NECAB2: variants seen among roughly 807,000 people sequenced by gnomAD.
NECAB2 encodes N-terminal EF-hand calcium-binding protein 2.
In NECAB2, 68 loss-of-function variants were observed where a neutral mutation model predicts 51.9. That is an observed-to-expected ratio of 1.31 (90% CI 1.08 to 1.60). The LOEUF (loss-of-function observed/expected upper bound fraction) is 1.60, where lower values mean the gene tolerates loss of function less well. Ranked by LOEUF, NECAB2 falls within the 40% of genes most tolerant of loss-of-function variation. NECAB2 has a pLI of 0.00. For missense variants in NECAB2, 854 were observed against 490.3 expected (o/e 1.74, Z -7.00); for synonymous variants, 329 against 203.5 (o/e 1.62, Z -5.25).
chr16:83,965,369 C>T (rs776196238), upstream of NECAB2: 2 of 1,570,944 alleles, frequency 1.3e-6, no homozygotes, highest in South Asian at 2.4e-5. Flanking sequence ...GCCCTTCATC[C>T]ACCATGAGCT....
At chr16:83,965,665 C>T (rs368402391), upstream of NECAB2, 350 of 1,613,402 alleles carry the variant, frequency 2.2e-4, no homozygotes, top group Non-Finnish European at 2.8e-4. Flanking sequence ...TCCCCAGGCA[C>T]CAGCTGCTGT....
chr16:83,992,124 GGGA>G (rs1448558790), intron 6 of NECAB2, among the ~76,000 whole-genome samples: 4 of 111,488 alleles, frequency 3.6e-5, no homozygotes, highest in Admixed American at 3.4e-4. Context: ...AGAGACTGGG[GGGA>G]AATCAGAGAG....
intron 1 of NECAB2, chr16:83,971,538 C>A (rs2151084033): frequency 6.5e-6 from 1 of 152,974 alleles, no homozygotes; most frequent in Middle Eastern, 3.4e-3. Flanking sequence ...TTCAGGCCAG[C>A]CTTGGAGCTG....
At chr16:83,984,787 T>G (rs2084531791) in intron 5 of NECAB2, among the ~76,000 whole-genome samples, 1 of 152,202 alleles carries the variant, frequency 6.6e-6, no homozygotes, top group South Asian at 2.1e-4. Flanking sequence ...TCTCCCATTT[T>G]TCTACATTTT....
chr16:83,983,105 G>A (rs191924139), intron 5 of NECAB2, among the ~76,000 whole-genome samples: 3 of 152,260 alleles, frequency 2.0e-5, no homozygotes, highest in Non-Finnish European at 4.4e-5. Context: ...CTGACTTGAG[G>A]TGATCCGCCC....
chr16:83,993,895 G>T (rs908476012), intron 6 of NECAB2, among the ~76,000 whole-genome samples: 2 of 152,128 alleles, frequency 1.3e-5, no homozygotes, highest in Non-Finnish European at 2.9e-5. Context: ...ACCCCAGAGG[G>T]CACCAAACAT....
intron 6 of NECAB2, among the ~76,000 whole-genome samples, chr16:83,991,737 C>G (rs535829372): frequency 6.6e-6 from 1 of 151,856 alleles, no homozygotes; most frequent in Non-Finnish European, 1.5e-5. Context: ...CAATCTCCAA[C>G]TCAGGTTCAA....
chr16:84,000,526 G>T (rs35122267), intron 10 of NECAB2, among the ~76,000 whole-genome samples, 198 bp from the exon 11 acceptor site: 1 of 151,930 alleles, frequency 6.6e-6, no homozygotes, highest in African/African-American at 2.4e-5. Flanking sequence ...ATAAATAGCT[G>T]TTGGCCACTA....
At chr16:83,985,819 C>G (rs2084545739) in intron 5 of NECAB2, among the ~76,000 whole-genome samples, 1 of 151,910 alleles carries the variant, frequency 6.6e-6, no homozygotes, top group Admixed American at 6.6e-5. Flanking sequence ...TGAGATTTTT[C>G]CATTACATTT....
chr16:83,966,516 G>A (rs1597186496), upstream of NECAB2, among the ~76,000 whole-genome samples: 6 of 152,236 alleles, frequency 3.9e-5, no homozygotes, highest in South Asian at 8.3e-4. Flanking sequence ...GCAGTTGAGC[G>A]GGCAGCTGTA....
intron 5 of NECAB2, among the ~76,000 whole-genome samples, chr16:83,985,705 CTAT>C (rs1445563679): frequency 2.9e-4 from 44 of 151,764 alleles, no homozygotes; most frequent in African/African-American, 1.0e-3. Context: ...TATTTTCAAC[CTAT>C]TATTTGAGCA....
chr16:83,976,897 C>T (rs1029186819), intron 2 of NECAB2, among the ~76,000 whole-genome samples: 1 of 152,238 alleles, frequency 6.6e-6, no homozygotes, highest in African/African-American at 2.4e-5. Context: ...GCTGGGAGCA[C>T]AGACAGAAGC....
At chr16:83,978,707 G>T (rs1381578484) in intron 3 of NECAB2, among the ~76,000 whole-genome samples, 155 bp downstream of exon 3, 1 of 151,952 alleles carries the variant, frequency 6.6e-6, no homozygotes, top group East Asian at 1.9e-4. Flanking sequence ...CACTGCCTGG[G>T]GTGAATGGGG....
intron 2 of NECAB2, among the ~76,000 whole-genome samples, chr16:83,975,658 C>A (rs1318404433): frequency 6.6e-6 from 1 of 152,088 alleles, no homozygotes; most frequent in Non-Finnish European, 1.5e-5. Context: ...GCATGAGGGG[C>A]CTGACTGGCA....
chr16:83,968,440 G>A lies in NECAB2; in HGVS notation c.-209G>A, dbSNP rs922867004. On this transcript the variant is annotated 5_prime_UTR_variant, in exon 1 of 13. Transcript: ENST00000305202. ...TCAGGCCCCGCGCCCGGCCGGCGGG[G>A]GTGGGGGCGGCGGGGAGCGGGCACG... 2.0e-5 allele frequency among the ~76,000 whole-genome samples: 3 copies of A among 147,250 alleles called. No homozygotes were observed. Among genetic ancestry groups the A allele is most frequent in the African/African-American group, 7.4e-5 (3 of 40,752 alleles).
At chr16:83,992,571 G>C (rs927040790) in intron 6 of NECAB2, among the ~76,000 whole-genome samples, 1 of 152,186 alleles carries the variant, frequency 6.6e-6, no homozygotes, top group Admixed American at 6.5e-5. Flanking sequence ...TCAGGACCAG[G>C]ATATTGGTTT....
chr16:84,000,946 C>A (rs141349092), intron 11 of NECAB2, 145 bp downstream of exon 11: 1 of 742,446 alleles, frequency 1.3e-6, no homozygotes, highest in Admixed American at 2.3e-5. Context: ...GGCATGCTTG[C>A]GTCAGTAAAC....
In NECAB2 at chr16:83,996,318, C is replaced by T. The variant is rs1020386064; in HGVS notation, c.796-898C>T. Among the ~76,000 whole-genome samples, 5 of 152,326 alleles carry T rather than the reference C, an allele frequency of 3.3e-5. No homozygotes were observed. In the East Asian group the frequency reaches 7.7e-4, roughly 23 times the overall value. ...CCAAGGCGTGTTCATGCTGTGTGCC[C>T]CCAGAAGGCAGTACCCTTGCCAGGA... On this transcript the variant is annotated intron_variant, in intron 8 of 12. Transcript: ENST00000305202.
At chr16:83,998,447 C>T (rs778504738) in intron 10 of NECAB2, 130 bp downstream of exon 10, 50 of 836,678 alleles carry the variant, frequency 6.0e-5, no homozygotes, top group East Asian at 1.1e-4. Flanking sequence ...CAGCTGGATG[C>T]GTAAGAAGTG....
Sources: gnomAD v4.1 joint callset for allele counts (sites outside exome capture counted in the v4.1 genomes callset) on GRCh38, gnomAD v4.1.1 for gene constraint, MANE v1.5 for transcripts, NCBI Gene and HGNC (gene_info 2026-07-23, HGNC 2026-07-21) for gene names.